Variants in LARGE1 observed in about 807,000 individuals in gnomAD.
LARGE1 encodes xylosyl- and glucuronyltransferase LARGE1.
Under a neutral mutation model 87.6 loss-of-function variants are expected in LARGE1, and 43 were observed. The ratio of observed to expected loss-of-function variants is 0.49; its 90% CI spans 0.38 to 0.63. The LOEUF is 0.63. LARGE1 is among the 30% of genes least tolerant of loss of function. LARGE1 has a pLI of 0.00. For missense variants in LARGE1, 802 were observed against 1,000.2 expected (o/e 0.80, Z 2.67); for synonymous variants, 434 against 394.6 (o/e 1.10, Z -1.18).
intron 5 of LARGE1, among the ~76,000 whole-genome samples, chr22:33,572,669 G>A (rs966442998): frequency 6.6e-6 from 1 of 152,066 alleles, no homozygotes; most frequent in Non-Finnish European, 1.5e-5. Flanking sequence ...GAGGTCAGGA[G>A]TTCAAGACCA....
chr22:33,289,306 T>C (rs1932115474), intron 12 of LARGE1, among the ~76,000 whole-genome samples: 1 of 152,134 alleles, frequency 6.6e-6, no homozygotes, highest in South Asian at 2.1e-4. Flanking sequence ...ACCTTGCTGA[T>C]ACAATGGGAA....
At chr22:33,613,602 C>T (rs2079502896) in intron 4 of LARGE1, among the ~76,000 whole-genome samples, 1 of 152,190 alleles carries the variant, frequency 6.6e-6, no homozygotes, top group African/African-American at 2.4e-5. Context: ...AGGAGATTCT[C>T]CTGCCTCAGC....
At chr22:33,542,344 T>C (rs1222072421) in intron 6 of LARGE1, among the ~76,000 whole-genome samples, 1 of 151,782 alleles carries the variant, frequency 6.6e-6, no homozygotes, top group Non-Finnish European at 1.5e-5. Context: ...GGGAACCCTG[T>C]TTGGGGCAGA....
chr22:33,722,946 TAG>T (rs1346227801), intron 2 of LARGE1, among the ~76,000 whole-genome samples: 1 of 152,066 alleles, frequency 6.6e-6, no homozygotes, highest in African/African-American at 2.4e-5. Context: ...AAAGGGAAAT[TAG>T]AGCAAGATCC....
intron 6 of LARGE1, among the ~76,000 whole-genome samples, chr22:33,468,139 T>G (rs540389512): frequency 6.6e-6 from 1 of 152,222 alleles, no homozygotes; most frequent in Non-Finnish European, 1.5e-5. Flanking sequence ...CAGCCTGGTC[T>G]CTGTTTTGAT....
rs569080841 is a variant in LARGE1, at chr22:33,812,764, T to C, written c.-82-51206A>G. Among the ~76,000 whole-genome samples, 312 of 152,294 alleles carry C rather than the reference T, an allele frequency of 2.0e-3. 1 individual carries two copies. Among genetic ancestry groups the C allele is most frequent in the Non-Finnish European group, 2.3e-3 (156 of 68,034 alleles). ...TCCAGGCCAACAAAGATCAAGAAGT[T>C]TCTTCACAGTTTATTTGCTCATTCA... On this transcript the variant is annotated intron_variant, in intron 1 of 14. Coordinates refer to ENST00000397394, the MANE Select transcript of LARGE1 (RefSeq NM_133642.5).
At chr22:33,511,218 A>G (rs1362027801) in intron 6 of LARGE1, among the ~76,000 whole-genome samples, 2 of 152,140 alleles carry the variant, frequency 1.3e-5, no homozygotes, top group African/African-American at 4.8e-5. Context: ...TATGTTGCTG[A>G]TGCCAGCCAC....
chr22:33,237,733 G>A (rs1441287522), intron 11 of LARGE1, among the ~76,000 whole-genome samples: 1 of 152,198 alleles, frequency 6.6e-6, no homozygotes, highest in Non-Finnish European at 1.5e-5. Context: ...TCAGGCAGGT[G>A]TGGGTTCCAT....
rs16985349 is a variant in LARGE1 at position 33,401,094 on chromosome 22, C to T, written c.893-16790G>A. The stretch of plus-strand genomic sequence containing the variant: ...CACACTCTCGCATGTGGGTGGGCAA[C>T]GTTCCCAGCAATGGCTGTGTCCTCC... On this transcript the variant is annotated intron_variant, in intron 7 of 14. Transcript: ENST00000397394. Among the ~76,000 whole-genome samples, 35 of 152,192 alleles carry T rather than the reference C, an allele frequency of 2.3e-4. 1 individual carries two copies. In the East Asian group the frequency reaches 6.0e-3, roughly 26 times the overall value.
At chr22:33,647,096 T>C (rs1003395324) in intron 3 of LARGE1, among the ~76,000 whole-genome samples, 1 of 152,248 alleles carries the variant, frequency 6.6e-6, no homozygotes, top group Non-Finnish European at 1.5e-5. Context: ...TTGTTAAATA[T>C]CTGTATTCTC....
At chr22:33,552,766 C>G (rs751912804) in intron 6 of LARGE1, among the ~76,000 whole-genome samples, 16 of 152,316 alleles carry the variant, frequency 1.1e-4, no homozygotes, top group Middle Eastern at 3.4e-3. Flanking sequence ...TGTCAAGTTG[C>G]TTTTGTAAGT....
chr22:33,504,981 G>C (rs2070695384), intron 6 of LARGE1, among the ~76,000 whole-genome samples: 1 of 152,218 alleles, frequency 6.6e-6, no homozygotes, highest in Non-Finnish European at 1.5e-5. Flanking sequence ...CAACCTCCAG[G>C]TGGCAAAGGT....
chr22:33,685,219 G>A (rs987758054), intron 2 of LARGE1, among the ~76,000 whole-genome samples: 2 of 152,204 alleles, frequency 1.3e-5, no homozygotes, highest in East Asian at 3.8e-4. Flanking sequence ...ACTGGATGAA[G>A]TGCTGAACAA....
chr22:33,073,126 G>A, the LARGE1 span, among the ~76,000 whole-genome samples: 2 of 152,180 alleles, frequency 1.3e-5, no homozygotes, highest in African/African-American at 4.8e-5. Context: ...CATATGGGGT[G>A]GGGTAGTGGT....
chr22:33,665,684 A>G (rs1443741421), intron 2 of LARGE1, among the ~76,000 whole-genome samples: 1 of 152,114 alleles, frequency 6.6e-6, no homozygotes. Flanking sequence ...TGAAGTCAGG[A>G]GATGGAGACC....
intron 2 of LARGE1, among the ~76,000 whole-genome samples, chr22:33,670,354 T>C (rs1464747276): frequency 6.6e-6 from 1 of 151,620 alleles, no homozygotes; most frequent in Non-Finnish European, 1.5e-5. Flanking sequence ...GTCTTAAAGA[T>C]TAAGGGAAAA....
At chr22:33,334,443 CA>C (rs1938178244) in intron 10 of LARGE1, among the ~76,000 whole-genome samples, 1 of 140,112 alleles carries the variant, frequency 7.1e-6, no homozygotes, top group Admixed American at 7.0e-5. Context: ...AAACACCAAA[CA>C]AAAAGAAACA....
chr22:33,604,473 C>T lies in LARGE1; in HGVS notation c.577G>A (p.Ala193Thr), dbSNP rs1349882228. ...GCATTGTAGAAGTCCACACGCACAG[C>T]GGGCACCATCCAGGTCTGGAAGAGC... ...ATLFQTWMVP[A>T]VRVDFYNADE... is the part of the protein sequence containing the mutation. Residue 193 changes from alanine (A) to threonine (T), a missense_variant, in exon 5 of 15, where the codon GCT becomes ACT. By Grantham distance (58) the Ala-to-Thr change is moderately conservative. This residue lies in a region of LARGE1 where 625 missense variants were observed against 841.9 expected (regional missense o/e 0.74). Transcript: ENST00000397394. The T allele has an allele frequency of 6.8e-6, 11 of 1,614,066 alleles. No individual in the cohort carries two copies. Among genetic ancestry groups the T allele is most frequent in the East Asian group, 2.2e-5 (1 of 44,876 alleles).
At chr22:33,913,537 G>GT (rs960059576) in intron 1 of LARGE1, among the ~76,000 whole-genome samples, 2 of 151,760 alleles carry the variant, frequency 1.3e-5, no homozygotes, top group African/African-American at 4.8e-5. Flanking sequence ...AGTCTTTGGT[G>GT]TTTTTTTTGT....
Sources: allele counts gnomAD v4.1 joint callset (sites outside exome capture counted in the v4.1 genomes callset), GRCh38; gene constraint gnomAD v4.1.1; regional missense constraint gnomAD v4.1.1; transcripts MANE v1.5; gene names NCBI Gene and HGNC (gene_info 2026-07-23, HGNC 2026-07-21).